The following MICU1 variants were observed in gnomAD, a reference collection of about 807,000 sequenced individuals.
The protein encoded by MICU1 is mitochondrial calcium uptake 1, also known as calcium uptake protein 1, mitochondrial.
In MICU1, 45 loss-of-function variants were observed where a neutral mutation model predicts 56.8. The ratio of observed to expected loss-of-function variants is 0.79; its 90% CI spans 0.62 to 1.02. The LOEUF is 1.02. MICU1 is among the 50% of genes least tolerant of loss of function. MICU1 has a pLI of 0.00. For synonymous variants in MICU1, 186 were observed against 195.1 expected, an observed-to-expected ratio of 0.95 and a Z score of 0.39; for missense variants, 504 against 587.1, an observed-to-expected ratio of 0.86 and a Z score of 1.46.
At chr10:72,548,269 C>T (rs1308904937) in intron 4 of MICU1, among the ~76,000 whole-genome samples, 1 of 151,260 alleles carries the variant, frequency 6.6e-6, no homozygotes, top group East Asian at 1.9e-4. Flanking sequence ...ACATAAATGG[C>T]AATAAAAAAA....
chr10:72,472,060 G>C (rs765455100), intron 8 of MICU1, among the ~76,000 whole-genome samples: 9 of 152,078 alleles, frequency 5.9e-5, no homozygotes, highest in Non-Finnish European at 1.5e-5. Context: ...GGTAAAAATA[G>C]TAATGTTACC....
At chr10:72,401,912 C>T (rs572188108) in intron 10 of MICU1, among the ~76,000 whole-genome samples, 2 of 152,238 alleles carry the variant, frequency 1.3e-5, no homozygotes, top group African/African-American at 4.8e-5. Flanking sequence ...CTACTTTCTG[C>T]TTCTATGAGT....
intron 1 of MICU1, among the ~76,000 whole-genome samples, chr10:72,578,284 G>A (rs1306883314): frequency 6.6e-6 from 1 of 151,998 alleles, no homozygotes; most frequent in East Asian, 1.9e-4. Context: ...TTGAGATGGA[G>A]TCTCACTCTA....
At chr10:72,613,345 C>G (rs1200054941) in intron 1 of MICU1, among the ~76,000 whole-genome samples, 5 of 149,122 alleles carry the variant, frequency 3.4e-5, no homozygotes, top group Non-Finnish European at 7.4e-5. Context: ...ATGAGCATAG[C>G]ACTCTGCAGC....
At chr10:72,435,820 T>G (rs995563608) in intron 8 of MICU1, among the ~76,000 whole-genome samples, 2 of 152,264 alleles carry the variant, frequency 1.3e-5, no homozygotes, top group African/African-American at 2.4e-5. Flanking sequence ...ACTGCAAGGC[T>G]GCAGCTGGGC....
chr10:72,512,945 T>C (rs1051738980), intron 5 of MICU1, among the ~76,000 whole-genome samples: 2 of 152,112 alleles, frequency 1.3e-5, no homozygotes, highest in African/African-American at 2.4e-5. Flanking sequence ...AGTTAAGCAA[T>C]CTGCGTGCCT....
intron 5 of MICU1, chr10:72,523,948 C>A: frequency 7.1e-7 from 1 of 1,415,600 alleles, no homozygotes; most frequent in Non-Finnish European, 9.2e-7. Context: ...CTAGGTGTCC[C>A]ATTTGTTTCC....
intron 1 of MICU1, among the ~76,000 whole-genome samples, chr10:72,606,508 T>C (rs1841696050): frequency 1.3e-5 from 2 of 151,884 alleles, no homozygotes; most frequent in Non-Finnish European, 2.9e-5. Flanking sequence ...AGCGAAATGA[T>C]GTCTCAAAAA....
At chr10:72,372,734 C>T (rs1169889940) in intron 11 of MICU1, among the ~76,000 whole-genome samples, 1 of 151,218 alleles carries the variant, frequency 6.6e-6, no homozygotes, top group Non-Finnish European at 1.5e-5. Context: ...CCCAGCTACT[C>T]GGGAGGCTGA....
At chr10:72,600,871 C>T (rs1324403376) in intron 1 of MICU1, among the ~76,000 whole-genome samples, 1 of 152,026 alleles carries the variant, frequency 6.6e-6, no homozygotes, top group African/African-American at 2.4e-5. Context: ...AGAACATATC[C>T]CCCCGTAGAT....
chr10:72,437,765 A>C (rs927558339), intron 8 of MICU1, among the ~76,000 whole-genome samples: 1 of 152,202 alleles, frequency 6.6e-6, no homozygotes, highest in African/African-American at 2.4e-5. Context: ...CTGATAAAAC[A>C]GACTTTAAAC....
intron 9 of MICU1, among the ~76,000 whole-genome samples, chr10:72,409,244 C>T (rs182748590): frequency 2.3e-4 from 35 of 152,332 alleles, no homozygotes; most frequent in Middle Eastern, 3.4e-3. Context: ...CTTAGTGCTG[C>T]TCCTCCTGCA....
intron 10 of MICU1, among the ~76,000 whole-genome samples, chr10:72,406,250 A>G (rs1863627710): frequency 6.6e-6 from 1 of 152,154 alleles, no homozygotes; most frequent in Non-Finnish European, 1.5e-5. Context: ...AAACCATAAA[A>G]TACTTAAGCA....
intron 6 of MICU1, among the ~76,000 whole-genome samples, chr10:72,500,302 A>ATATT (rs1867021751): frequency 4.7e-4 from 5 of 10,646 alleles, no homozygotes; most frequent in South Asian, 8.3e-3. Context: ...ATATATATAT[A>ATATT]TTTTTTTTTT....
chr10:72,595,309 G>A (rs1391589168), intron 1 of MICU1, among the ~76,000 whole-genome samples: 5 of 151,520 alleles, frequency 3.3e-5, no homozygotes, highest in Admixed American at 1.3e-4. Context: ...AAAATTAGCC[G>A]GGCAGGGTGG....
chr10:72,492,664 G>C (rs553655266), intron 6 of MICU1, among the ~76,000 whole-genome samples: 2 of 151,998 alleles, frequency 1.3e-5, no homozygotes, highest in Admixed American at 1.3e-4. Flanking sequence ...TCGGGAGGCT[G>C]AGGCAGGAGA....
intron 6 of MICU1, among the ~76,000 whole-genome samples, chr10:72,498,354 G>A (rs1024186071): frequency 2.6e-5 from 4 of 152,220 alleles, no homozygotes; most frequent in Admixed American, 6.5e-5. Flanking sequence ...GGGAGGCCAA[G>A]GTGGGCGGAT....
chr10:72,615,453 T>G (rs953838363), intron 1 of MICU1, among the ~76,000 whole-genome samples: 3 of 151,714 alleles, frequency 2.0e-5, no homozygotes, highest in Non-Finnish European at 4.4e-5. Context: ...TCTCTATTCC[T>G]TTTTTTTCCT....
intron 8 of MICU1, among the ~76,000 whole-genome samples, chr10:72,434,336 G>C (rs1018581922): frequency 6.6e-6 from 1 of 152,040 alleles, no homozygotes; most frequent in African/African-American, 2.4e-5. Flanking sequence ...CTTTCCTTCA[G>C]ACCTTGATCA....
Sources: gnomAD v4.1 joint callset for allele counts (sites outside exome capture counted in the v4.1 genomes callset) on GRCh38, gnomAD v4.1.1 for gene constraint, MANE v1.5 for transcripts, NCBI Gene and HGNC (gene_info 2026-07-23, HGNC 2026-07-21) for gene names.